The following B4GALT1 variants were observed in gnomAD, a reference collection of about 807,000 sequenced individuals.
B4GALT1 encodes beta-1,4-galactosyltransferase 1, also known as N-acetyllactosamine synthase.
In B4GALT1, 16 loss-of-function variants were observed where a neutral mutation model predicts 34.9. That is an observed-to-expected ratio of 0.46 (90% CI 0.31 to 0.70). B4GALT1 has a LOEUF of 0.70. Ranked by LOEUF, B4GALT1 falls within the 30% of genes least tolerant of loss-of-function variation. The pLI is 0.05. For missense variants in B4GALT1, 445 were observed against 530.5 expected, an observed-to-expected ratio of 0.84 and a Z score of 1.58; for synonymous variants, 221 against 218.1, an observed-to-expected ratio of 1.01 and a Z score of -0.12.
upstream of B4GALT1, among the ~76,000 whole-genome samples, chr9:33,171,294 T>A (rs984637519): frequency 9.8e-5 from 15 of 152,330 alleles, no homozygotes; most frequent in African/African-American, 3.6e-4. Context: ...GTTGGGGCTG[T>A]CTGGGGGCTG....
chr9:33,118,720 C>T (rs1340157309), intron 3 of B4GALT1, among the ~76,000 whole-genome samples: 1 of 152,036 alleles, frequency 6.6e-6, no homozygotes, highest in African/African-American at 2.4e-5. Flanking sequence ...AAAGGGTCTG[C>T]TGTCTACATG....
chr9:33,168,375 C>T (rs1414037934), upstream of B4GALT1, among the ~76,000 whole-genome samples: 2 of 152,212 alleles, frequency 1.3e-5, no homozygotes, highest in Admixed American at 1.3e-4. Context: ...AGACACCTCA[C>T]CCCAGAGAAA....
intron 1 of B4GALT1, 107 bp downstream of exon 1, chr9:33,166,651 A>G: frequency 2.4e-6 from 3 of 1,235,616 alleles, no homozygotes; most frequent in Non-Finnish European, 3.2e-6. Flanking sequence ...CAGAAGAGGG[A>G]GGCTGGCTGT....
chr9:33,105,880 G>GTTTTT (rs35330697), downstream of B4GALT1, among the ~76,000 whole-genome samples: 8,821 of 85,522 alleles, frequency 0.1, 284 homozygotes, highest in Middle Eastern at 0.14. Flanking sequence ...GGACTCGTGG[G>GTTTTT]TTTTTTTTTT....
Position 33,167,092 on chromosome 9 carries a change from G to A in B4GALT1, c.78C>T (p.Leu26=), listed in dbSNP as rs761655395. The A allele has an allele frequency of 6.9e-6, 11 of 1,604,700 alleles. No homozygotes were observed. The highest frequency in any genetic ancestry group is 2.2e-5 in the South Asian group (2 of 90,744). Residue 26 remains leucine (L), a synonymous_variant, in exon 1 of 6, where the codon CTC becomes CTT. Transcript: ENST00000379731. ...CAAGGTGCAGAGCGCAGACGGCCAC[G>A]AGCAGGCGGCAGGCCCGCTGTAGGG... ...GASLQRACRL[L]VAVCALHLGV...
chr9:33,168,291 G>A (rs1840802482), upstream of B4GALT1, among the ~76,000 whole-genome samples: 1 of 152,246 alleles, frequency 6.6e-6, no homozygotes, highest in African/African-American at 2.4e-5. Context: ...TGAAGGCTGT[G>A]TGGGTGAGAG....
chr9:33,107,517 G>A (rs1839807095), downstream of B4GALT1, among the ~76,000 whole-genome samples: 2 of 152,022 alleles, frequency 1.3e-5, no homozygotes, highest in East Asian at 1.9e-4. Flanking sequence ...AGGGGCAGCC[G>A]CCTCCTTGGG....
the B4GALT1 span, among the ~76,000 whole-genome samples, chr9:33,184,350 T>C: frequency 6.6e-6 from 1 of 151,812 alleles, no homozygotes; most frequent in African/African-American, 2.4e-5. Context: ...ACTGGGGGTC[T>C]GAGAACATAT....
At chr9:33,169,968 A>ATTTTT (rs74178857), upstream of B4GALT1, among the ~76,000 whole-genome samples, 8 of 120,496 alleles carry the variant, frequency 6.6e-5, no homozygotes, top group African/African-American at 1.3e-4. Flanking sequence ...CAGCCCCTAG[A>ATTTTT]TTTTTTTTTT....
At chr9:33,170,416 GTGTC>G (rs1228197645), upstream of B4GALT1, among the ~76,000 whole-genome samples, 1 of 152,236 alleles carries the variant, frequency 6.6e-6, no homozygotes, top group Non-Finnish European at 1.5e-5. Flanking sequence ...CCAGCATCCT[GTGTC>G]TAGGGGTAAA....
At chr9:33,177,699 A>G in the B4GALT1 span, among the ~76,000 whole-genome samples, 1 of 152,256 alleles carries the variant, frequency 6.6e-6, no homozygotes, top group Non-Finnish European at 1.5e-5. Flanking sequence ...TCTTAAAACA[A>G]CAATTTATTA....
intron 1 of B4GALT1, among the ~76,000 whole-genome samples, chr9:33,144,812 G>A (rs545103828): frequency 6.6e-5 from 10 of 152,252 alleles, no homozygotes; most frequent in African/African-American, 1.7e-4. Context: ...GAATCTTGAC[G>A]GCAGGGATTG....
intron 3 of B4GALT1, among the ~76,000 whole-genome samples, chr9:33,118,363 A>T (rs957150611): frequency 6.6e-6 from 1 of 152,226 alleles, no homozygotes; most frequent in African/African-American, 2.4e-5. Flanking sequence ...AGTCTGACAG[A>T]AAGCTGTTGC....
intron 2 of B4GALT1, among the ~76,000 whole-genome samples, chr9:33,123,094 A>G (rs537149458): frequency 7.8e-4 from 118 of 152,202 alleles, no homozygotes; most frequent in Non-Finnish European, 1.4e-3. Flanking sequence ...CCTGGCCAAC[A>G]TGGCGAAAGC....
intron 1 of B4GALT1, 36 bp from the exon 2 acceptor site, chr9:33,135,460 A>G: frequency 6.3e-7 from 1 of 1,592,366 alleles, no homozygotes; most frequent in Non-Finnish European, 8.6e-7. Flanking sequence ...TTAGCAGGCC[A>G]CAGGACTCGC....
At chr9:33,124,212 C>T (rs555502921) in intron 2 of B4GALT1, among the ~76,000 whole-genome samples, 4 of 152,332 alleles carry the variant, frequency 2.6e-5, no homozygotes, top group African/African-American at 9.6e-5. Flanking sequence ...GCAAGCTCAC[C>T]AAGCCCCACC....
At chr9:33,113,614 G>A (rs937296531) in intron 5 of B4GALT1, 28 bp from the exon 6 acceptor site, 19 of 1,613,958 alleles carry the variant, frequency 1.2e-5, no homozygotes, top group Non-Finnish European at 1.5e-5. Flanking sequence ...CAAGGAGATT[G>A]TCTTAAAACA....
chr9:33,119,437 G>T (rs142498739), intron 3 of B4GALT1, among the ~76,000 whole-genome samples: 44 of 152,286 alleles, frequency 2.9e-4, no homozygotes, highest in Non-Finnish European at 5.0e-4. Flanking sequence ...AGGGCCAAGG[G>T]CGGGAGCAGT....
the B4GALT1 span, among the ~76,000 whole-genome samples, chr9:33,180,985 G>A: frequency 6.6e-6 from 1 of 152,162 alleles, no homozygotes; most frequent in Non-Finnish European, 1.5e-5. Flanking sequence ...GCCATAGATT[G>A]TTAAAGGCCG....
Sources: allele counts gnomAD v4.1 joint callset (sites outside exome capture counted in the v4.1 genomes callset), GRCh38; gene constraint gnomAD v4.1.1; transcripts MANE v1.5; gene names NCBI Gene and HGNC (gene_info 2026-07-23, HGNC 2026-07-21).